NAA16: variants seen among roughly 807,000 people sequenced by gnomAD.
The protein encoded by NAA16 is N-alpha-acetyltransferase 16, NatA auxiliary subunit.
Under a neutral mutation model 110.3 loss-of-function variants are expected in NAA16, and 97 were observed. The ratio of observed to expected loss-of-function variants is 0.88; its 90% CI spans 0.75 to 1.04. The LOEUF (loss-of-function observed/expected upper bound fraction) is 1.04. Ranked by LOEUF, NAA16 falls within the 50% of genes least tolerant of loss-of-function variation. NAA16 has a pLI of 0.00. For missense variants in NAA16, 1,017 were observed against 1,005.1 expected (o/e 1.01, Z -0.16); for synonymous variants, 372 against 330.6 (o/e 1.13, Z -1.36).
At chr13:41,342,681 G>T (rs2042583896) in intron 9 of NAA16, among the ~76,000 whole-genome samples, 1 of 152,172 alleles carries the variant, frequency 6.6e-6, no homozygotes, top group Non-Finnish European at 1.5e-5. Flanking sequence ...TCTGCTGGTG[G>T]TCTGAGTCAT....
chr13:41,323,414 G>A (rs1181339388), intron 5 of NAA16, among the ~76,000 whole-genome samples: 1 of 150,210 alleles, frequency 6.7e-6, no homozygotes, highest in African/African-American at 2.5e-5. Context: ...GCAGTGGCAC[G>A]ATCTCGGCTT....
Position 41,320,792 on chromosome 13 carries a change from C to G in NAA16, c.370C>G (p.Gln124Glu). The change falls in exon 4 of 20, where the codon CAG becomes GAG. Residue 124 changes from glutamine to glutamate, a missense_variant. Physicochemically the swap from Gln to Glu is conservative, Grantham distance 29 (BLOSUM62 2). Coordinates refer to ENST00000379406, the MANE Select transcript of NAA16 (RefSeq NM_024561.5). ...AATTTTGAGGGATCTCTCACTGTTGCAGATCCAAATGAGAGACCTTGAAGG... is the reference window on the plus strand; with the variant it reads ...AATTTTGAGGGATCTCTCACTGTTGGAGATCCAAATGAGAGACCTTGAAGG... Reference protein sequence around the residue: ...LQILRDLSLLQIQMRDLEGYR... With the variant: ...LQILRDLSLLEIQMRDLEGYR... 3 of 1,611,624 alleles carry G rather than the reference C, an allele frequency of 1.9e-6. No homozygotes were observed. Among genetic ancestry groups the G allele is most frequent in the Non-Finnish European group, 2.5e-6 (3 of 1,179,336 alleles).
At chr13:41,316,956 T>A (rs1436050656) in intron 2 of NAA16, 26 bp downstream of exon 2, 2 of 1,495,052 alleles carry the variant, frequency 1.3e-6, no homozygotes, top group Non-Finnish European at 1.9e-6. Flanking sequence ...AGAGATTGCT[T>A]TAGGGAAATC....
chr13:41,358,283 TTAATA>T lies in NAA16; in HGVS notation c.1088-19_1088-15del. On this transcript the variant is annotated splice_polypyrimidine_tract_variant and intron_variant, in intron 10 of 19. Transcript: ENST00000379406. ...TGCTTTACATTCTTTCTATAATAATTTAATATTTGTTTGATTGCAGAGAATGGGGA... is the reference window on the plus strand; with the variant it reads ...TGCTTTACATTCTTTCTATAATAATTTTTGTTTGATTGCAGAGAATGGGGA... 6.3e-7 allele frequency: 1 copy of T among 1,592,922 alleles called. No individual in the cohort carries two copies. The highest frequency in any genetic ancestry group is 1.1e-5 in the South Asian group (1 of 89,278).
At chr13:41,369,482 G>A (rs2043273953) in intron 15 of NAA16, among the ~76,000 whole-genome samples, 199 bp downstream of exon 15, 1 of 152,144 alleles carries the variant, frequency 6.6e-6, no homozygotes, top group Non-Finnish European at 1.5e-5. Flanking sequence ...TGCAATTGTG[G>A]TAGGCAGAGT....
intron 4 of NAA16, among the ~76,000 whole-genome samples, chr13:41,321,187 A>G (rs1288083085): frequency 6.6e-6 from 1 of 152,150 alleles, no homozygotes; most frequent in African/African-American, 2.4e-5. Context: ...AGTCCCAGCT[A>G]TCCAGGATGT....
At chr13:41,331,121 CAG>C (rs977571239) in intron 7 of NAA16, among the ~76,000 whole-genome samples, 151 bp from the exon 8 acceptor site, 1 of 152,006 alleles carries the variant, frequency 6.6e-6, no homozygotes, top group African/African-American at 2.4e-5. Flanking sequence ...TTTGCCACCA[CAG>C]AGTTTTAAAT....
At chr13:41,352,788 C>T (rs1017245601) in intron 9 of NAA16, among the ~76,000 whole-genome samples, 18 of 151,940 alleles carry the variant, frequency 1.2e-4, no homozygotes, top group Non-Finnish European at 2.6e-4. Context: ...TTTTTTCCCC[C>T]GTAATCAGAT....
At position 41,372,291 on chromosome 13, in the gene NAA16, T is replaced by C. The variant is rs747343588; in HGVS notation, c.2036T>C (p.Phe679Ser). Residue 679 changes from phenylalanine to serine, a missense_variant, in exon 16 of 20, where the codon TTT (phenylalanine) becomes TCT (serine). By Grantham distance (155) the Phe-to-Ser change is radical (BLOSUM62 -2). Coordinates refer to ENST00000379406, the MANE Select transcript of NAA16 (RefSeq NM_024561.5). ...AACATTGACACTCATCTGTTAGCAT[T>C]TGAAATATATTTTAGAAAAGGTAAT... ...ADNIDTHLLAFEIYFRKGKFL... is the reference protein window; with the variant it reads ...ADNIDTHLLASEIYFRKGKFL... 4 of 1,593,468 alleles carry C rather than the reference T, an allele frequency of 2.5e-6. No homozygotes were observed. The South Asian group carries it at 4.6e-5, about 18-fold the overall frequency.
chr13:41,351,122 C>T (rs1393417261), intron 9 of NAA16, among the ~76,000 whole-genome samples: 3 of 152,160 alleles, frequency 2.0e-5, no homozygotes, highest in South Asian at 2.1e-4. Context: ...CATCAGTGCT[C>T]GTGTGCTTTG....
intron 9 of NAA16, among the ~76,000 whole-genome samples, chr13:41,345,731 C>G (rs913771282): frequency 6.6e-6 from 1 of 152,096 alleles, no homozygotes; most frequent in East Asian, 1.9e-4. Flanking sequence ...TACAGGCATG[C>G]GCTACCGTGC....
At chr13:41,373,083 A>G in intron 17 of NAA16, 2 of 760,634 alleles carry the variant, frequency 2.6e-6, no homozygotes, top group Non-Finnish European at 2.9e-6. Flanking sequence ...AACGTAAAGC[A>G]AAATAATAAT....
intron 6 of NAA16, chr13:41,328,025 G>T (rs2042139028): frequency 6.6e-6 from 1 of 152,092 alleles, no homozygotes; most frequent in Non-Finnish European, 1.5e-5. Flanking sequence ...TTGGGGAATG[G>T]GTAATCTTGA....
intron 7 of NAA16, 82 bp downstream of exon 7, chr13:41,328,925 CA>C: frequency 8.0e-7 from 1 of 1,246,694 alleles, no homozygotes; most frequent in African/African-American, 1.5e-5. Flanking sequence ...TACTTGGGAA[CA>C]AATAATTTTA....
chr13:41,353,545 G>A (rs542208417), intron 9 of NAA16, among the ~76,000 whole-genome samples: 52 of 151,144 alleles, frequency 3.4e-4, no homozygotes, highest in African/African-American at 1.2e-3. Flanking sequence ...CGGGAGGATT[G>A]CTTGAGCCCA....
At chr13:41,337,997 A>G (rs975479353) in intron 9 of NAA16, among the ~76,000 whole-genome samples, 4 of 152,164 alleles carry the variant, frequency 2.6e-5, no homozygotes, top group Admixed American at 6.5e-5. Flanking sequence ...CAATTCCTTA[A>G]TGTCTGTTGT....
At chr13:41,352,052 A>G (rs1186207219) in intron 9 of NAA16, among the ~76,000 whole-genome samples, 1 of 152,218 alleles carries the variant, frequency 6.6e-6, no homozygotes, top group Non-Finnish European at 1.5e-5. Flanking sequence ...AATGAGAAGT[A>G]ACCATAAGGC....
intron 9 of NAA16, among the ~76,000 whole-genome samples, chr13:41,342,759 T>C (rs1265874085): frequency 6.6e-6 from 1 of 152,210 alleles, no homozygotes; most frequent in Non-Finnish European, 1.5e-5. Context: ...GTGAGATGTT[T>C]GACCAGCCAT....
At chr13:41,357,777 T>C (rs1417560483) in intron 10 of NAA16, among the ~76,000 whole-genome samples, 1 of 152,212 alleles carries the variant, frequency 6.6e-6, no homozygotes, top group Non-Finnish European at 1.5e-5. Flanking sequence ...GTGTTTTTTC[T>C]ACTTAGGTTT....
Sources: allele counts gnomAD v4.1 joint callset (sites outside exome capture counted in the v4.1 genomes callset), GRCh38; gene constraint gnomAD v4.1.1; transcripts MANE v1.5; gene names NCBI Gene and HGNC (gene_info 2026-07-23, HGNC 2026-07-21).